FN1: variants seen among roughly 807,000 people sequenced by gnomAD.
The protein encoded by FN1 is fibronectin 1.
In FN1, 106 loss-of-function variants were observed where a neutral mutation model predicts 297.3. The observed-to-expected ratio is 0.36, with a 90% CI of 0.30 to 0.42. The LOEUF (loss-of-function observed/expected upper bound fraction) is 0.42, where lower values mean the gene tolerates loss of function less well. Ranked by LOEUF, FN1 falls within the 10% of genes least tolerant of loss-of-function variation. The probability of loss-of-function intolerance (pLI) is 1.00; values close to 1 mark genes in which losing one functional copy is unlikely to be tolerated. For synonymous variants in FN1, 1,149 were observed against 1,152.6 expected, an observed-to-expected ratio of 1.00 and a Z score of 0.06; for missense variants, 2,690 against 3,124.9, an observed-to-expected ratio of 0.86 and a Z score of 3.32.
chr2:215,392,168 G>C, intron 25 of FN1: 1 of 273,126 alleles, frequency 3.7e-6, no homozygotes, highest in Non-Finnish European at 7.1e-6. Flanking sequence ...AAACATAGCA[G>C]TACTTTACAA....
chr2:215,376,003 G>A (rs1245956615), intron 36 of FN1, among the ~76,000 whole-genome samples: 2 of 152,178 alleles, frequency 1.3e-5, no homozygotes, highest in African/African-American at 4.8e-5. Flanking sequence ...ATGGGGGTCA[G>A]CCACTTATTG....
intron 10 of FN1, among the ~76,000 whole-genome samples, chr2:215,421,882 C>T (rs2064451216): frequency 6.6e-6 from 1 of 152,178 alleles, no homozygotes; most frequent in Non-Finnish European, 1.5e-5. Flanking sequence ...AGGAGTGTTT[C>T]AGAACATTAG....
chr2:215,382,439 A>C, intron 31 of FN1, 114 bp from the exon 32 acceptor site: 1 of 704,582 alleles, frequency 1.4e-6, no homozygotes, highest in Non-Finnish European at 2.6e-6. Flanking sequence ...TTATTTGCAG[A>C]ATTGTAACAA....
rs146348428 is a variant in FN1, at chr2:215,420,769, C to A, written c.1579G>T (p.Val527Leu). Residue 527 changes from valine (V) to leucine (L), a missense_variant, in exon 11 of 46, where the codon GTG becomes TTG. This residue lies in a region of FN1 where 876 missense variants were observed against 1,058.1 expected (regional missense o/e 0.83). Transcript: ENST00000354785. The part of the protein sequence containing the change: ...QCIVDDITYN[V>L]NDTFHKRHEE... ...TGACGCTTGTGGAATGTGTCGTTCA[C>A]ATTGTAAGTGATGTCATCAACAATG... The A allele has an allele frequency of 1.9e-6, 3 of 1,613,914 alleles. No individual in the cohort carries two copies. In the African/African-American group the frequency reaches 4.0e-5, roughly 22 times the overall value.
chr2:215,401,247 A>AAAGAAAGGAAGGAAGG (rs1559475709), intron 20 of FN1, among the ~76,000 whole-genome samples: 2 of 80,154 alleles, frequency 2.5e-5, no homozygotes, highest in African/African-American at 1.0e-4. Context: ...AGAAAGAAAG[A>AAAGAAAGGAAGGAAGG]AAGGAAGAAA....
chr2:215,422,224 T>G lies in FN1; in HGVS notation c.1413A>C (p.Thr471=), dbSNP rs1009644782. 17 of 1,614,068 alleles carry G rather than the reference T, an allele frequency of 1.1e-5. No homozygotes were observed. In the Admixed American group the frequency reaches 1.8e-4, roughly 17 times the overall value. The change falls in exon 10 of 46, where the codon ACA becomes ACC. Residue 471 remains threonine, a synonymous_variant. Coordinates refer to ENST00000354785, the MANE Select transcript of FN1 (RefSeq NM_212482.4). ...TGCGGTACATGACCCCTTCATTGGTTGTGCAGATTTCCTCGTGGGCTGTTT... is the reference window on the plus strand; with the variant it reads ...TGCGGTACATGACCCCTTCATTGGTGGTGCAGATTTCCTCGTGGGCTGTTT... ...CPMAAHEEIC[T]TNEGVMYRIG... is the part of the protein sequence containing the mutation.
chr2:215,366,785 A>G (rs1037898741), intron 42 of FN1, among the ~76,000 whole-genome samples: 7 of 152,332 alleles, frequency 4.6e-5, no homozygotes, highest in East Asian at 1.9e-4. Flanking sequence ...CGCTCCCACA[A>G]TTGCACCTAA....
intron 37 of FN1, 111 bp from the exon 38 acceptor site, chr2:215,375,504 T>A: frequency 7.9e-7 from 1 of 1,272,836 alleles, no homozygotes; most frequent in Non-Finnish European, 1.1e-6. Context: ...GAGAATACTG[T>A]AAACCGGAAA....
intron 31 of FN1, 43 bp downstream of exon 31, chr2:215,383,285 G>A: frequency 6.2e-7 from 1 of 1,605,260 alleles, no homozygotes; most frequent in Non-Finnish European, 8.5e-7. Context: ...TGGGATTATA[G>A]GAGTGAGCCA....
intron 38 of FN1, 82 bp downstream of exon 38, chr2:215,375,132 C>T (rs2057032625): frequency 7.3e-7 from 1 of 1,361,178 alleles, no homozygotes; most frequent in Non-Finnish European, 1.1e-6. Context: ...GACACAGTAT[C>T]AAAGACGCTG....
chr2:215,367,053 C>T (rs1050748210), intron 42 of FN1, among the ~76,000 whole-genome samples: 3 of 152,100 alleles, frequency 2.0e-5, no homozygotes, highest in African/African-American at 4.8e-5. Context: ...TTTACCAAGT[C>T]TTATATTCTA....
At chr2:215,379,850 A>G (rs540076510) in intron 33 of FN1, 1 of 154,932 alleles carries the variant, frequency 6.5e-6, no homozygotes, top group African/African-American at 2.4e-5. Context: ...GTGTCACCAC[A>G]CCTCGCTAAT....
At chr2:215,373,548 C>G (rs1176470989) in intron 38 of FN1, 137 bp from the exon 39 acceptor site, 4 of 718,156 alleles carry the variant, frequency 5.6e-6, no homozygotes, top group Non-Finnish European at 1.0e-5. Flanking sequence ...GTAAAATCGA[C>G]TTCACTTTTC....
In FN1 at chr2:215,435,636, G is replaced by A; in HGVS notation, c.148+19C>T. 6.2e-7 allele frequency: 1 copy of A among 1,613,294 alleles called. No homozygotes were observed. The highest frequency in any genetic ancestry group is 2.2e-5 in the East Asian group (1 of 44,862). On this transcript the variant is annotated intron_variant, in intron 1 of 45. Coordinates refer to ENST00000354785, the MANE Select transcript of FN1 (RefSeq NM_212482.4). ...CCCATCCCTGAGGCAGCCTGTTTCA[G>A]CCCGCGGTCAGTACTCACGCTTGCT...
In FN1 at chr2:215,420,804, G is replaced by A. The variant is rs2064195938; in HGVS notation, c.1547-3C>T. On this transcript the variant is annotated splice_region_variant and splice_polypyrimidine_tract_variant and intron_variant, in intron 10 of 45. Coordinates refer to ENST00000354785, the MANE Select transcript of FN1 (RefSeq NM_212482.4). ...GATGTCATCAACAATGCACTGATCTGTTTAGGAAACAGGTGGGTGAGTGAG... is the reference window on the plus strand; with the variant it reads ...GATGTCATCAACAATGCACTGATCTATTTAGGAAACAGGTGGGTGAGTGAG... 1 of 1,613,916 alleles carries A rather than the reference G, an allele frequency of 6.2e-7. No individual in the cohort carries two copies. The highest frequency in any genetic ancestry group is 8.5e-7 in the Non-Finnish European group (1 of 1,179,796).
intron 39 of FN1, among the ~76,000 whole-genome samples, chr2:215,372,896 C>T (rs1466030672): frequency 2.6e-5 from 4 of 152,092 alleles, no homozygotes; most frequent in African/African-American, 9.7e-5. Context: ...TTGAAATTAA[C>T]TGAAACTGGA....
At chr2:215,376,450 T>C (rs1293750162) in intron 36 of FN1, 48 bp downstream of exon 36, 2 of 1,518,694 alleles carry the variant, frequency 1.3e-6, no homozygotes, top group East Asian at 2.3e-5. Context: ...CCCGTTTACA[T>C]TGTGGGTATT....
In FN1 at chr2:215,433,931, G is replaced by A. The variant is rs1374155466; in HGVS notation, c.278-470C>T. Among the ~76,000 whole-genome samples the A allele has an allele frequency of 2.6e-5, 4 of 152,126 alleles. No individual in the cohort carries two copies. In the East Asian group the frequency reaches 5.8e-4, roughly 22 times the overall value. On this transcript the variant is annotated intron_variant, in intron 2 of 45. Coordinates refer to ENST00000354785, the MANE Select transcript of FN1 (RefSeq NM_212482.4). ...ACCCTGACCAATACGGTGAAACCCC[G>A]TCTCTACTAAAAATATGAAAATTAG... is the stretch of plus-strand genomic sequence containing the variant.
chr2:215,412,760 C>CTTTTT lies in FN1; in HGVS notation c.1941+2072_1941+2076dup, dbSNP rs10524797. 2.3e-3 allele frequency among the ~76,000 whole-genome samples: 229 copies of CTTTTT among 97,540 alleles called. 8 individuals are homozygous for CTTTTT. Among genetic ancestry groups the CTTTTT allele is most frequent in the African/African-American group, 5.2e-3 (121 of 23,294 alleles). 64.0% of individuals were successfully genotyped at this position (97,540 alleles called of 152,430 possible). Reference sequence around the variant, plus strand: ...TAATTTAAAGTATTATATTAAGTATCTTTTTTTTTTTTTTTTTTTTTTACT... The same window carrying CTTTTT: ...TAATTTAAAGTATTATATTAAGTATCTTTTTTTTTTTTTTTTTTTTTTTTTTTACT... On this transcript the variant is annotated intron_variant, in intron 13 of 45. Transcript: ENST00000354785.
Sources: allele counts gnomAD v4.1 joint callset (sites outside exome capture counted in the v4.1 genomes callset), GRCh38; gene constraint gnomAD v4.1.1; regional missense constraint gnomAD v4.1.1; transcripts MANE v1.5; gene names NCBI Gene and HGNC (gene_info 2026-07-23, HGNC 2026-07-21).